Variants in PPIL6 observed in about 807,000 individuals in gnomAD.
The protein encoded by PPIL6 is peptidylprolyl isomerase like 6, also known as probable inactive peptidyl-prolyl cis-trans isomerase-like 6.
A neutral mutation model predicts 36.8 loss-of-function variants in PPIL6; 39 were observed. That is an observed-to-expected ratio of 1.06 (90% CI 0.82 to 1.38). The LOEUF is 1.38. Ranked by LOEUF, PPIL6 falls within the 40% of genes most tolerant of loss-of-function variation. PPIL6 has a pLI of 0.00. For missense variants in PPIL6, 368 were observed against 379.1 expected, an observed-to-expected ratio of 0.97 and a Z score of 0.24; for synonymous variants, 123 against 134.1, an observed-to-expected ratio of 0.92 and a Z score of 0.57.
chr6:109,421,359 G>A (rs1290133171), intron 5 of PPIL6, among the ~76,000 whole-genome samples: 2 of 152,228 alleles, frequency 1.3e-5, no homozygotes. Context: ...AAAGTCAGAT[G>A]ATCTTTGATT....
chr6:109,431,022 G>T, intron 3 of PPIL6, 135 bp downstream of exon 3: 1 of 648,214 alleles, frequency 1.5e-6, no homozygotes, highest in Non-Finnish European at 2.5e-6. Context: ...TTTGCAAATG[G>T]AAATGGAACT....
intron 7 of PPIL6, among the ~76,000 whole-genome samples, chr6:109,398,650 T>G (rs1377938731): frequency 2.6e-5 from 4 of 152,250 alleles, no homozygotes; most frequent in Admixed American, 2.6e-4. Flanking sequence ...AATATTCTAA[T>G]AATAACTATT....
chr6:109,393,244 G>A (rs1772163560), intron 7 of PPIL6, among the ~76,000 whole-genome samples: 1 of 151,002 alleles, frequency 6.6e-6, no homozygotes, highest in South Asian at 2.1e-4. Flanking sequence ...TTGAGACAGG[G>A]TCTCACTCTG....
Position 109,392,058 on chromosome 6 carries a change from A to G in PPIL6, c.*768T>C, listed in dbSNP as rs1199548963. 1 of 152,258 alleles carries G rather than the reference A, an allele frequency of 6.6e-6. No individual in the cohort carries two copies. The highest frequency in any genetic ancestry group is 1.5e-5 in the Non-Finnish European group (1 of 68,044). The allele number at this position is 152,258 out of a possible 1,614,324, so 9.4% of individuals were successfully genotyped here. A position where few individuals can be genotyped will look rare whatever the true frequency, so the allele number is the denominator to read the frequency against. On this transcript the variant is annotated 3_prime_UTR_variant, in exon 8 of 8. Coordinates refer to ENST00000521072, the MANE Select transcript of PPIL6 (RefSeq NM_173672.5). ...AACAAAATTCTCAACCAACAGTAAC[A>G]TAAACAACACAACACAGGGCTCTGT...
At chr6:109,395,095 A>T (rs1215514209) in intron 7 of PPIL6, among the ~76,000 whole-genome samples, 1 of 152,194 alleles carries the variant, frequency 6.6e-6, no homozygotes, top group African/African-American at 2.4e-5. Context: ...GCCACTAGCT[A>T]CATATCGCTA....
intron 6 of PPIL6, among the ~76,000 whole-genome samples, chr6:109,416,596 T>C (rs1041573198): frequency 1.6e-4 from 24 of 151,934 alleles, no homozygotes; most frequent in African/African-American, 5.8e-4. Flanking sequence ...TCTCATTTTG[T>C]TAATGACATC....
chr6:109,436,263 C>A, intron 1 of PPIL6, 64 bp from the exon 2 acceptor site: 1 of 1,013,850 alleles, frequency 9.9e-7, no homozygotes, highest in Non-Finnish European at 1.5e-6. Flanking sequence ...AATCATGTTC[C>A]CCAATTTTTA....
intron 6 of PPIL6, among the ~76,000 whole-genome samples, chr6:109,417,403 G>A (rs1773321770): frequency 2.1e-5 from 3 of 145,960 alleles, no homozygotes; most frequent in Non-Finnish European, 4.5e-5. Flanking sequence ...TTTTTTTAAA[G>A]AAACTGACTG....
At chr6:109,417,399 T>A (rs1204439859) in intron 6 of PPIL6, among the ~76,000 whole-genome samples, 1 of 136,572 alleles carries the variant, frequency 7.3e-6, no homozygotes, top group Non-Finnish European at 1.6e-5. Context: ...TTTTTTTTTT[T>A]AAAGAAACTG....
chr6:109,423,270 G>A (rs1372718634), intron 5 of PPIL6, among the ~76,000 whole-genome samples: 3 of 152,182 alleles, frequency 2.0e-5, no homozygotes, highest in Admixed American at 2.0e-4. Context: ...GGGAGGCTGA[G>A]GCAGGAGGAT....
chr6:109,429,784 C>T (rs551217991), intron 3 of PPIL6, among the ~76,000 whole-genome samples: 20 of 152,320 alleles, frequency 1.3e-4, no homozygotes, highest in African/African-American at 4.1e-4. Flanking sequence ...CATTGGTTCC[C>T]GCCTGTTTTC....
intron 6 of PPIL6, chr6:109,405,057 A>C (rs1772738062): frequency 7.8e-6 from 3 of 385,098 alleles, no homozygotes; most frequent in African/African-American, 6.9e-5. Flanking sequence ...GTCTCAAAAA[A>C]GGAAAAAAAA....
upstream of PPIL6, chr6:109,440,866 G>C (rs1179471150): frequency 5.7e-6 from 3 of 529,862 alleles, no homozygotes; most frequent in African/African-American, 6.2e-5. Context: ...GGCCCTTACC[G>C]AGCCTGGGCG....
chr6:109,421,845 C>A (rs9487096), intron 5 of PPIL6, among the ~76,000 whole-genome samples: 1,992 of 151,992 alleles, frequency 0.013, 46 homozygotes, highest in African/African-American at 0.046. Context: ...TCAAGACCAG[C>A]CTGGGCAATA....
At position 109,436,180 on chromosome 6, in the gene PPIL6, G is replaced by C; in HGVS notation, c.155C>G (p.Pro52Arg). The C allele has an allele frequency of 6.4e-7, 1 of 1,555,596 alleles. No homozygotes were observed. The highest frequency in any genetic ancestry group is 8.9e-7 in the Non-Finnish European group (1 of 1,127,884). ...SAAENLKNNH[P>R]SKFEDPILVP... The stretch of plus-strand genomic sequence containing the variant: ...TAATATAGGATCTTCAAATTTGGAT[G>C]GATGATTATTCTTCAGATTCTGGAT... Residue 52 changes from proline (P) to arginine (R), a missense_variant, in exon 2 of 8, where the codon CCA becomes CGA. Coordinates refer to ENST00000521072, the MANE Select transcript of PPIL6 (RefSeq NM_173672.5).
chr6:109,440,670 C>T (rs1465478956), upstream of PPIL6: 2 of 1,081,482 alleles, frequency 1.8e-6, no homozygotes, highest in Non-Finnish European at 2.3e-6. Flanking sequence ...CCGCCGCTCG[C>T]AGGAGGCGGG....
chr6:109,421,225 G>T (rs1019817940), intron 5 of PPIL6, among the ~76,000 whole-genome samples: 1 of 152,026 alleles, frequency 6.6e-6, no homozygotes, highest in African/African-American at 2.4e-5. Context: ...ATTTCAATCC[G>T]TATTTACTAT....
intron 7 of PPIL6, among the ~76,000 whole-genome samples, chr6:109,394,742 A>G (rs1303358800): frequency 1.3e-5 from 2 of 152,250 alleles, no homozygotes; most frequent in Non-Finnish European, 2.9e-5. Flanking sequence ...TTTCTGTCCA[A>G]AGAGAGTATG....
chr6:109,432,503 T>G (rs2115281772), intron 2 of PPIL6, among the ~76,000 whole-genome samples: 1 of 152,318 alleles, frequency 6.6e-6, no homozygotes, highest in South Asian at 2.1e-4. Context: ...CAAACTTTCG[T>G]GGGCAATGAG....
Sources: allele counts gnomAD v4.1 joint callset (sites outside exome capture counted in the v4.1 genomes callset), GRCh38; gene constraint gnomAD v4.1.1; transcripts MANE v1.5; gene names NCBI Gene and HGNC (gene_info 2026-07-23, HGNC 2026-07-21).